Variants in USP6 observed in about 807,000 individuals in gnomAD.
USP6 encodes ubiquitin carboxyl-terminal hydrolase 6.
In USP6, 128 loss-of-function variants were observed where a neutral mutation model predicts 175.7. The observed-to-expected ratio is 0.73, with a 90% CI of 0.63 to 0.84. The LOEUF is 0.84. USP6 is among the 40% of genes least tolerant of loss of function. The pLI, the probability that USP6 is intolerant of heterozygous loss-of-function variation, is 0.00. For missense variants in USP6, 1,498 were observed against 1,760.3 expected (o/e 0.85, Z 2.67); for synonymous variants, 562 against 630.6 (o/e 0.89, Z 1.63).
At chr17:5,127,820 A>G (rs2072939565) in intron 7 of USP6, among the ~76,000 whole-genome samples, 181 bp downstream of exon 7, 1 of 152,260 alleles carries the variant, frequency 6.6e-6, no homozygotes, top group African/African-American at 2.4e-5. Context: ...GTGTAATACA[A>G]TGCAGATGCT....
At chr17:5,171,341 A>AAAT (rs894688253) in intron 36 of USP6, among the ~76,000 whole-genome samples, 49 of 152,026 alleles carry the variant, frequency 3.2e-4, no homozygotes, top group African/African-American at 1.0e-3. Context: ...CCCTGTCTCA[A>AAAT]AATAATAATA....
At chr17:5,148,834 G>C (rs773948588) in intron 30 of USP6, 67 bp downstream of exon 30, 1 of 1,572,876 alleles carries the variant, frequency 6.4e-7, no homozygotes, top group Admixed American at 1.8e-5. Flanking sequence ...GCCATTTTCT[G>C]TCTTTGCAAC....
At chr17:5,137,610 C>T in intron 19 of USP6, 41 bp from the exon 20 acceptor site, 1 of 1,585,352 alleles carries the variant, frequency 6.3e-7, no homozygotes. Flanking sequence ...CCAGCCCCAG[C>T]CTGGAAGGGC....
rs1396042200 is a variant in USP6, at chr17:5,125,225, G to A, written c.-639G>A. The A allele has an allele frequency of 1.3e-5, 2 of 159,032 alleles. No homozygotes were observed. Among genetic ancestry groups the A allele is most frequent in the Non-Finnish European group, 2.7e-5 (2 of 73,342 alleles). 9.9% of individuals were successfully genotyped at this position (159,032 alleles called of 1,614,324 possible). ...TCTCATCACTGCCAGATGGAACCAC[G>A]TAGTTGCAGGAAAACAAGTTCAGGG... is the stretch of plus-strand genomic sequence containing the variant. On this transcript the variant is annotated 5_prime_UTR_variant, in exon 5 of 38. Coordinates refer to ENST00000574788, the MANE Select transcript of USP6 (RefSeq NM_001304284.2).
chr17:5,129,281 T>C (rs2072986410), intron 8 of USP6, 148 bp downstream of exon 8: 1 of 152,320 alleles, frequency 6.6e-6, no homozygotes, highest in South Asian at 2.1e-4. Flanking sequence ...TCTGCCCAGA[T>C]TTCCGATCCC....
intron 30 of USP6, among the ~76,000 whole-genome samples, chr17:5,154,536 C>G (rs370745806): frequency 6.6e-6 from 1 of 152,046 alleles, no homozygotes; most frequent in Non-Finnish European, 1.5e-5. Flanking sequence ...TTATCCTATC[C>G]TGTATTTAAA....
intron 25 of USP6, among the ~76,000 whole-genome samples, chr17:5,143,892 C>T (rs1399083184): frequency 6.6e-6 from 1 of 152,082 alleles, no homozygotes; most frequent in African/African-American, 2.4e-5. Context: ...CACCACTGCA[C>T]TCCAGCCTGG....
In USP6 at chr17:5,135,338, G is replaced by A. The variant is rs369645751; in HGVS notation, c.543+56G>A. Reference sequence around the variant, plus strand: ...CTGTATTTCCATATTCACAGGAGTGGGTGTCTGGTGGGGGTGTCGTTGCTT... The same window carrying A: ...CTGTATTTCCATATTCACAGGAGTGAGTGTCTGGTGGGGGTGTCGTTGCTT... On this transcript the variant is annotated intron_variant, in intron 16 of 37. Transcript: ENST00000574788. 5.7e-5 allele frequency: 91 copies of A among 1,593,346 alleles called. 1 individual carries two copies. In the African/African-American group the frequency reaches 9.8e-4, roughly 17 times the overall value.
chr17:5,131,054 C>G (rs2073051058), intron 11 of USP6, among the ~76,000 whole-genome samples: 1 of 152,220 alleles, frequency 6.6e-6, no homozygotes, highest in Admixed American at 6.5e-5. Context: ...GAGGAGACAC[C>G]TGGCCCAGTC....
At position 5,170,932 on chromosome 17, in the gene USP6, A is replaced by G. The variant is rs1168329126; in HGVS notation, c.3954+17A>G. 1.2e-6 allele frequency: 2 copies of G among 1,607,572 alleles called. No individual in the cohort carries two copies. The highest frequency in any genetic ancestry group is 1.7e-6 in the Non-Finnish European group (2 of 1,176,206). ...GCAATTTCAGTAAGTGGTTTATTAT[A>G]CGGTTTTCAGAGAGTGGTCTGTGTT... On this transcript the variant is annotated intron_variant, in intron 36 of 37. Coordinates refer to ENST00000574788, the MANE Select transcript of USP6 (RefSeq NM_001304284.2).
rs756767372 is a variant in USP6, at chr17:5,142,155, A to C, written c.1712+14A>C. On this transcript the variant is annotated intron_variant, in intron 24 of 37. Coordinates refer to ENST00000574788, the MANE Select transcript of USP6 (RefSeq NM_001304284.2). ...TGAACTCAACAGGTAAACTTTCTTG[A>C]GTCACTGGCCTCTTAACCTGTGACT... 3.1e-6 allele frequency: 5 copies of C among 1,608,900 alleles called. No individual in the cohort carries two copies. The highest frequency in any genetic ancestry group is 1.7e-6 in the Non-Finnish European group (2 of 1,177,614).
At position 5,155,562 on chromosome 17, in the gene USP6, A is replaced by G. The variant is rs139828607; in HGVS notation, c.2784A>G (p.Ala928=). ...TTTGGATTCAAGTATCCTGGTTAGC[A>G]AGACCACTCCCACCTCAGGAAGCTA... is the stretch of plus-strand genomic sequence containing the variant. The part of the protein sequence containing the change: ...DAVWIQVSWL[A]RPLPPQEASI... The change falls in exon 31 of 38, where the codon GCA becomes GCG. Residue 928 remains alanine, a synonymous_variant. Coordinates refer to ENST00000574788, the MANE Select transcript of USP6 (RefSeq NM_001304284.2). 3.1e-6 allele frequency: 5 copies of G among 1,614,050 alleles called. No homozygotes were observed. Among genetic ancestry groups the G allele is most frequent in the Non-Finnish European group, 4.2e-6 (5 of 1,180,036 alleles).
chr17:5,167,960 A>C lies in USP6; in HGVS notation c.3065A>C (p.Gln1022Pro), dbSNP rs2074129512. The C allele has an allele frequency of 6.2e-7, 1 of 1,611,850 alleles. No homozygotes were observed. The highest frequency in any genetic ancestry group is 1.3e-5 in the African/African-American group (1 of 74,852). ...GTAGATAAGCATGAGAGTGTGGAGCAGAGTCGGCGAGCGCAAGCCGAGCCC... is the reference window on the plus strand; with the variant it reads ...GTAGATAAGCATGAGAGTGTGGAGCCGAGTCGGCGAGCGCAAGCCGAGCCC... ...RVVDKHESVE[Q>P]SRRAQAEPIN... The change falls in exon 34 of 38, where the codon CAG (glutamine) becomes CCG (proline). Residue 1022 changes from glutamine to proline, a missense_variant. By Grantham distance (76) the Gln-to-Pro change is moderately conservative (BLOSUM62 -1). This residue lies in a region of USP6 where 1,217 missense variants were observed against 1,500.8 expected (regional missense o/e 0.81). Coordinates refer to ENST00000574788, the MANE Select transcript of USP6 (RefSeq NM_001304284.2).
Position 5,132,164 on chromosome 17 carries a change from G to A in USP6, c.156-232G>A. 10 of 1,491,174 alleles carry A rather than the reference G, an allele frequency of 6.7e-6. No individual in the cohort carries two copies. The highest frequency in any genetic ancestry group is 9.0e-6 in the Non-Finnish European group (10 of 1,112,224). 92.4% of individuals were successfully genotyped at this position (1,491,174 alleles called of 1,614,324 possible). ...TGGCCTGACCACCCCCCATGCCAGG[G>A]GCCCCAGTAACCCCAGCCAGGCTGT... is the stretch of plus-strand genomic sequence containing the variant. On this transcript the variant is annotated intron_variant, in intron 11 of 37. Coordinates refer to ENST00000574788, the MANE Select transcript of USP6 (RefSeq NM_001304284.2). The surrounding 1 kb of genome is among the most constrained non-coding windows in gnomAD (Gnocchi z 4.7).
Position 5,142,048 on chromosome 17 carries a change from C to G in USP6, c.1619C>G (p.Thr540Arg), listed in dbSNP as rs767314669. ...GATGLSNLGN[T>R]CFMNSSIQCV... The stretch of plus-strand genomic sequence containing the variant: ...ACAGGTCTAAGCAACCTGGGAAACA[C>G]ATGCTTCATGAACTCAAGCATCCAG... Residue 540 changes from threonine to arginine, a missense_variant, in exon 24 of 38, where the codon ACA becomes AGA. Thr to Arg is a moderately conservative substitution (Grantham distance 71, BLOSUM62 -1). Transcript: ENST00000574788. The G allele has an allele frequency of 6.2e-7, 1 of 1,613,794 alleles. No homozygotes were observed. The highest frequency in any genetic ancestry group is 8.5e-7 in the Non-Finnish European group (1 of 1,179,840).
In USP6 at chr17:5,116,747, CTT is replaced by C. The variant is rs2072547733; in HGVS notation, c.-1928+9_-1928+10del. ...GTTTCTTCACTTACTAGTTGTGAGT[CTT>C]TGGGCAAATTTGCCTTTCTAGAGCG... is the stretch of plus-strand genomic sequence containing the variant. On this transcript the variant is annotated splice_region_variant and intron_variant, in intron 1 of 37. Transcript: ENST00000574788. The C allele has an allele frequency of 6.6e-6, 1 of 152,240 alleles. No homozygotes were observed. The highest frequency in any genetic ancestry group is 1.5e-5 in the Non-Finnish European group (1 of 68,050). The allele number at this position is 152,240 out of a possible 1,614,324, so 9.4% of individuals were successfully genotyped here.
chr17:5,155,157 C>G (rs779850633), intron 30 of USP6, among the ~76,000 whole-genome samples: 1 of 152,204 alleles, frequency 6.6e-6, no homozygotes, highest in Non-Finnish European at 1.5e-5. Context: ...AGAGAAAACT[C>G]TGGTTTGAAT....
In USP6 at chr17:5,173,566, T is replaced by G; in HGVS notation, c.*588T>G. 4.6e-6 allele frequency: 1 copy of G among 219,536 alleles called. No homozygotes were observed. The highest frequency in any genetic ancestry group is 9.2e-6 in the Non-Finnish European group (1 of 109,196). The allele number at this position is 219,536 out of a possible 1,614,324, so 13.6% of individuals were successfully genotyped here. A position where few individuals can be genotyped will look rare whatever the true frequency, so the allele number is the denominator to read the frequency against. On this transcript the variant is annotated 3_prime_UTR_variant, in exon 38 of 38. Coordinates refer to ENST00000574788, the MANE Select transcript of USP6 (RefSeq NM_001304284.2). ...TTGTTTTTGCCATTGTGTTTACGTT[T>G]GAGACACAACCAGTCATTGGTGGCA...
intron 31 of USP6, among the ~76,000 whole-genome samples, chr17:5,160,187 A>T (rs896881291): frequency 6.6e-6 from 1 of 152,194 alleles, no homozygotes; most frequent in Non-Finnish European, 1.5e-5. Context: ...AGTACAGGCT[A>T]TCAGTGATCA....
Sources: allele counts gnomAD v4.1 joint callset (sites outside exome capture counted in the v4.1 genomes callset), GRCh38; gene constraint gnomAD v4.1.1; regional missense constraint gnomAD v4.1.1; non-coding constraint Gnocchi (gnomAD v3.1); transcripts MANE v1.5; gene names NCBI Gene and HGNC (gene_info 2026-07-23, HGNC 2026-07-21).